PHF8: variants seen among roughly 807,000 people sequenced by gnomAD.
The protein encoded by PHF8 is PHD finger protein 8.
PHF8 carries 9 observed loss-of-function variants against 74.4 expected under a neutral mutation model. The observed-to-expected ratio is 0.12, with a 90% CI of 0.07 to 0.21. The LOEUF is 0.21. PHF8 is among the 10% of genes least tolerant of loss of function. The probability of loss-of-function intolerance (pLI) is 1.00; values close to 1 mark genes in which losing one functional copy is unlikely to be tolerated. For missense variants in PHF8, 478 were observed against 816.6 expected (o/e 0.59, Z 5.05); for synonymous variants, 311 against 316.6 (o/e 0.98, Z 0.19).
At chrX:54,015,595 A>AAAAAC (rs2066053479) in intron 6 of PHF8, among the ~76,000 whole-genome samples, 1 of 107,725 alleles carries the variant, frequency 9.3e-6, no homozygotes, top group African/African-American at 3.4e-5. Context: ...AAAAAAAAAA[A>AAAAAC]AACACAACAG....
intron 18 of PHF8, among the ~76,000 whole-genome samples, chrX:53,964,601 C>T (rs989020295): frequency 1.7e-4 from 19 of 111,517 alleles, no homozygotes; most frequent in Middle Eastern, 4.2e-3. Flanking sequence ...CGCAGTGGCT[C>T]ATGCCTGTAA....
intron 2 of PHF8, among the ~76,000 whole-genome samples, chrX:54,023,120 C>G (rs1406262762): frequency 9.2e-6 from 1 of 108,478 alleles, no homozygotes; most frequent in East Asian, 2.8e-4. Context: ...GGATTATAGG[C>G]ATGTGCCACC....
intron 19 of PHF8, among the ~76,000 whole-genome samples, chrX:53,951,256 T>C (rs2064919183): frequency 8.9e-6 from 1 of 112,054 alleles, no homozygotes. Flanking sequence ...GATTATCCAG[T>C]CTGATGAGCA....
Position 53,987,879 on chromosome X carries a change from G to A in PHF8, c.1796C>T (p.Ala599Val). The A allele has an allele frequency of 8.3e-7, 1 of 1,208,064 alleles. No individual in the cohort carries two copies. The highest frequency in any genetic ancestry group is 1.1e-6 in the Non-Finnish European group (1 of 892,448). Residue 599 changes from alanine to valine, a missense_variant, in exon 15 of 22, where the codon GCT (alanine) becomes GTT (valine). By Grantham distance (64) the Ala-to-Val change is moderately conservative. This residue lies in a region of PHF8 where 153 missense variants were observed against 164.8 expected (regional missense o/e 0.93). Coordinates refer to ENST00000338154, the MANE Select transcript of PHF8 (RefSeq NM_015107.3). ...CATCACCTGTTCTGCCATCAGCCTA[G>A]CCTTGTCTACCTTCTTTGCTATCTT... ...RTKIAKKVDKARLMAEQVMED... is the reference protein window; with the variant it reads ...RTKIAKKVDKVRLMAEQVMED...
chrX:54,043,656 GC>G, intron 1 of PHF8, 105 bp downstream of exon 1: 1 of 169,813 alleles, frequency 5.9e-6, no homozygotes, highest in Non-Finnish European at 9.5e-6. Context: ...TTTCCTTGCA[GC>G]CCCCCCTCAA....
rs2065540679 is a variant in PHF8, at chrX:53,985,123, G to A, written c.2234C>T (p.Ala745Val). Residue 745 changes from alanine to valine, a missense_variant, in exon 18 of 22, where the codon GCC (alanine) becomes GTC (valine). Ala to Val is a moderately conservative substitution (Grantham distance 64, BLOSUM62 0). This residue lies in a region of PHF8 where 51 missense variants were observed against 45.8 expected (regional missense o/e 1.11). Coordinates refer to ENST00000338154, the MANE Select transcript of PHF8 (RefSeq NM_015107.3). ...SSSPATSSLQ[A>V]WWTGGQDRSS... is the part of the protein sequence containing the mutation. ...TCGATCCTGTCCCCCAGTCCACCAG[G>A]CCTGCAGGCTAGAGGTAGCCGGTGA... 8.3e-7 allele frequency: 1 copy of A among 1,209,326 alleles called. No individual in the cohort carries two copies. The highest frequency in any genetic ancestry group is 1.1e-6 in the Non-Finnish European group (1 of 893,811).
At chrX:54,016,315 G>T (rs919806903) in intron 6 of PHF8, among the ~76,000 whole-genome samples, 1 of 110,278 alleles carries the variant, frequency 9.1e-6, no homozygotes, top group African/African-American at 3.3e-5. Flanking sequence ...CCAACATGGT[G>T]AAACCCCATC....
chrX:53,984,981 C>T lies in PHF8; in HGVS notation c.2376G>A (p.Glu792=), dbSNP rs2065537630. Reference sequence around the variant, plus strand: ...CATCCAGACTGGCGTTCTCCTCCTCCTCCTCGCTCTCGGTTCTCCAGTATG... The same window carrying T: ...CATCCAGACTGGCGTTCTCCTCCTCTTCCTCGCTCTCGGTTCTCCAGTATG... ...RPAYWRTESE[E]EEENASLDEQ... is the part of the protein sequence containing the mutation. The change falls in exon 18 of 22, where the codon GAG becomes GAA. Residue 792 remains glutamate (E), a synonymous_variant. Coordinates refer to ENST00000338154, the MANE Select transcript of PHF8 (RefSeq NM_015107.3). The T allele has an allele frequency of 1.7e-6, 2 of 1,209,144 alleles. No homozygotes were observed. The highest frequency in any genetic ancestry group is 3.0e-5 in the East Asian group (1 of 33,743).
At chrX:53,965,012 A>G (rs1019122329) in intron 18 of PHF8, among the ~76,000 whole-genome samples, 24 of 112,084 alleles carry the variant, frequency 2.1e-4, no homozygotes, top group African/African-American at 7.8e-4. Flanking sequence ...CAATGTGAAT[A>G]TACTTAATAG....
At position 53,938,108 on chromosome X, in the gene PHF8, T is replaced by C. The variant is rs1214282845; in HGVS notation, c.*1050A>G. 8.7e-7 allele frequency: 1 copy of C among 1,151,787 alleles called. No homozygotes were observed. Among genetic ancestry groups the C allele is most frequent in the African/African-American group, 1.8e-5 (1 of 54,785 alleles). 94.9% of individuals were successfully genotyped at this position (1,151,787 alleles called of 1,213,427 possible). ...TGAAGATGTGAGTCCTGAGGTCTTC[T>C]TCAGACCAAGACCTCAGGTGGAGAA... On this transcript the variant is annotated 3_prime_UTR_variant, in exon 22 of 22. Coordinates refer to ENST00000338154, the MANE Select transcript of PHF8 (RefSeq NM_015107.3).
chrX:54,032,633 CCATGTATTATCACTTGACA>C (rs1390775452), intron 2 of PHF8, among the ~76,000 whole-genome samples: 1 of 111,167 alleles, frequency 9.0e-6, no homozygotes, highest in Middle Eastern at 4.2e-3. Context: ...TTTCTCTAGA[CCATGTATTATCACTTGACA>C]CACTATATAT....
At chrX:54,045,678 A>AAC (rs1481951726), upstream of PHF8, among the ~76,000 whole-genome samples, 1 of 112,720 alleles carries the variant, frequency 8.9e-6, no homozygotes, top group Non-Finnish European at 1.9e-5. Context: ...CACTTAAATA[A>AAC]ACAAGCGAGA....
chrX:53,984,757 A>T (rs1374154909), intron 18 of PHF8, among the ~76,000 whole-genome samples, 157 bp downstream of exon 18: 1 of 112,242 alleles, frequency 8.9e-6, no homozygotes, highest in Non-Finnish European at 1.9e-5. Flanking sequence ...AGATATTCCC[A>T]TTTTACAAAT....
In PHF8 at chrX:54,022,290, C is replaced by T. The variant is rs199664796; in HGVS notation, c.262G>A (p.Val88Ile). Reference sequence around the variant, plus strand: ...AAAGTCCTACTCCGGAGCTCTCTGACGAACGTAGGGCTCCCGGTCTTCACT... The same window carrying T: ...AAAGTCCTACTCCGGAGCTCTCTGATGAACGTAGGGCTCCCGGTCTTCACT... Reference protein sequence around the residue: ...KPVKTGSPTFVRELRSRTFDS... With the variant: ...KPVKTGSPTFIRELRSRTFDS... The change falls in exon 4 of 22, where the codon GTC becomes ATC. Residue 88 changes from valine (V) to isoleucine (I), a missense_variant. This residue lies in a region of PHF8 where 28 missense variants were observed against 33.4 expected (regional missense o/e 0.84). Transcript: ENST00000338154. 39 of 1,199,963 alleles carry T rather than the reference C, an allele frequency of 3.3e-5. No homozygotes were observed. In the East Asian group the frequency reaches 5.0e-4, roughly 15 times the overall value.
chrX:53,985,077 A>G lies in PHF8; in HGVS notation c.2280T>C (p.Ser760=), dbSNP rs1569526730. The G allele has an allele frequency of 1.7e-6, 2 of 1,211,123 alleles. No individual in the cohort carries two copies. Among genetic ancestry groups the G allele is most frequent in the Non-Finnish European group, 2.2e-6 (2 of 895,124 alleles). ...GACTGTTAGACACTGTGCCCAGCCCACTGCTGGAGCTCCCACTGCTTCGAT... is the reference window on the plus strand; with the variant it reads ...GACTGTTAGACACTGTGCCCAGCCCGCTGCTGGAGCTCCCACTGCTTCGAT... ...GQDRSSGSSS[S]GLGTVSNSPA... Residue 760 remains serine, a synonymous_variant, in exon 18 of 22, where the codon AGT becomes AGC. Coordinates refer to ENST00000338154, the MANE Select transcript of PHF8 (RefSeq NM_015107.3).
chrX:54,020,147 T>C (rs1224043485), intron 4 of PHF8, among the ~76,000 whole-genome samples: 3 of 111,620 alleles, frequency 2.7e-5, no homozygotes, highest in African/African-American at 6.5e-5. Context: ...GATCACGCCA[T>C]TGCACTCCAG....
intron 19 of PHF8, among the ~76,000 whole-genome samples, chrX:53,948,052 T>C (rs1421350095): frequency 1.8e-5 from 2 of 111,953 alleles, no homozygotes; most frequent in Admixed American, 9.5e-5. Flanking sequence ...TCCAAATTCC[T>C]GACCCACAGA....
intron 2 of PHF8, among the ~76,000 whole-genome samples, chrX:54,040,313 C>T (rs2066530831): frequency 9.0e-6 from 1 of 111,023 alleles, no homozygotes; most frequent in Non-Finnish European, 1.9e-5. Context: ...CAGGCAACAG[C>T]TTTTTTTCAT....
chrX:53,986,991 C>A, intron 16 of PHF8, 87 bp downstream of exon 16: 1 of 571,494 alleles, frequency 1.7e-6, no homozygotes, highest in East Asian at 3.3e-5. Context: ...GTCTTCCTCC[C>A]TGCATATCCC....
Sources: gnomAD v4.1 joint callset for allele counts (sites outside exome capture counted in the v4.1 genomes callset) on GRCh38, gnomAD v4.1.1 for gene constraint, gnomAD v4.1.1 regional missense constraint, MANE v1.5 for transcripts, NCBI Gene and HGNC (gene_info 2026-07-23, HGNC 2026-07-21) for gene names.